LYPD2: variants seen among roughly 807,000 people sequenced by gnomAD.
LYPD2 encodes the protein LY6/PLAUR domain containing 2.
LYPD2 carries 5 observed loss-of-function variants against 7.1 expected under a neutral mutation model. The ratio of observed to expected loss-of-function variants is 0.70; its 90% confidence interval spans 0.37 to 1.48. LYPD2 has a LOEUF of 1.48. Among genes scored for constraint, LYPD2 ranks in the 40% most tolerant of loss-of-function variants. The probability of loss-of-function intolerance (pLI) is 0.03; values close to 1 mark genes in which losing one functional copy is unlikely to be tolerated. For missense variants in LYPD2, 177 were observed against 171.0 expected (o/e 1.04, Z -0.20); for synonymous variants, 78 against 82.0 (o/e 0.95, Z 0.26).
Position 142,750,490 on chromosome 8 carries a change from G to T in LYPD2, c.179-8C>A. The T allele has an allele frequency of 1.3e-6, 2 of 1,573,010 alleles. No homozygotes were observed. Among genetic ancestry groups the T allele is most frequent in the Non-Finnish European group, 1.7e-6 (2 of 1,158,998 alleles). On this transcript the variant is annotated splice_region_variant and splice_polypyrimidine_tract_variant and intron_variant, in intron 2 of 2. Transcript: ENST00000359228. Reference sequence around the variant, plus strand: ...CCCCCTGGAAGGGGTACACTGTGGGGTGTGGGAAGAGTCAGCCGTCAGGGC... The same window carrying T: ...CCCCCTGGAAGGGGTACACTGTGGGTTGTGGGAAGAGTCAGCCGTCAGGGC...
chr8:142,752,511 C>A lies in LYPD2; in HGVS notation c.-60G>T. On this transcript the variant is annotated 5_prime_UTR_variant, in exon 1 of 3. Transcript: ENST00000359228. The stretch of plus-strand genomic sequence containing the variant: ...GCTTGCCTGGCGGGGACAGCAGACA[C>A]CAAGTGAGGTGGCGACAGACTGGTC... The A allele has an allele frequency of 6.3e-7, 1 of 1,592,936 alleles. No individual in the cohort carries two copies. Among genetic ancestry groups the A allele is most frequent in the Non-Finnish European group, 8.6e-7 (1 of 1,164,168 alleles).
At chr8:142,751,696 GA>G (rs1814717970) in intron 1 of LYPD2, among the ~76,000 whole-genome samples, 1 of 152,060 alleles carries the variant, frequency 6.6e-6, no homozygotes, top group Non-Finnish European at 1.5e-5. Context: ...CAGGGACGGG[GA>G]CCGGAGAGGC....
chr8:142,752,267 C>G (rs587633798), intron 1 of LYPD2, 127 bp downstream of exon 1: 7 of 1,039,322 alleles, frequency 6.7e-6, no homozygotes, highest in Non-Finnish European at 9.9e-6. Context: ...GCCACACCCC[C>G]GGCCCCACAG....
rs765580069 is a variant in LYPD2, at chr8:142,750,405, C to T, written c.256G>A (p.Gly86Ser). 1.5e-5 allele frequency: 24 copies of T among 1,583,148 alleles called. No homozygotes were observed. The highest frequency in any genetic ancestry group is 1.3e-4 in the South Asian group (11 of 86,356). Reference sequence around the variant, plus strand: ...CAGCAGGACACGGGCAGGGTCTGGCCGATGCCATCCACATCCGAGGGCTTA... The same window carrying T: ...CAGCAGGACACGGGCAGGGTCTGGCTGATGCCATCCACATCCGAGGGCTTA... ...KCKPSDVDGI[G>S]QTLPVSCCNT... is the part of the protein sequence containing the mutation. The change falls in exon 3 of 3, where the codon GGC becomes AGC. Residue 86 changes from glycine (G) to serine (S), a missense_variant. By Grantham distance (56) the Gly-to-Ser change is moderately conservative. Transcript: ENST00000359228.
Position 142,752,412 on chromosome 8 carries a change from C to T in LYPD2, c.40G>A (p.Ala14Thr), listed in dbSNP as rs747694461. 12 of 1,613,414 alleles carry T rather than the reference C, an allele frequency of 7.4e-6. No homozygotes were observed. In the African/African-American group the frequency reaches 1.3e-4, roughly 18 times the overall value. ...TRLALLALVLAACGELAPALR... is the reference protein window; with the variant it reads ...TRLALLALVLTACGELAPALR... ...ACCTCACCCAGCTCTCCGCAGGCAG[C>T]CAGCACCAGCGCCAGGAGCGCCAGC... The change falls in exon 1 of 3, where the codon GCT becomes ACT. Residue 14 changes from alanine (A) to threonine (T), a missense_variant. Physicochemically the swap from Ala to Thr is moderately conservative, Grantham distance 58. Coordinates refer to ENST00000359228, the MANE Select transcript of LYPD2 (RefSeq NM_205545.3).
At chr8:142,750,532 G>A (rs1323572458) in intron 2 of LYPD2, 50 bp from the exon 3 acceptor site, 2 of 1,531,216 alleles carry the variant, frequency 1.3e-6, no homozygotes, top group Non-Finnish European at 1.8e-6. Context: ...CTGCCTCCAA[G>A]CCCTGGTCCC....
chr8:142,750,357 C>A lies in LYPD2; in HGVS notation c.304G>T (p.Asp102Tyr). 6.4e-7 allele frequency: 1 copy of A among 1,562,422 alleles called. No individual in the cohort carries two copies. Among genetic ancestry groups the A allele is most frequent in the East Asian group, 2.4e-5 (1 of 41,778 alleles). Residue 102 changes from aspartate (D) to tyrosine (Y), a missense_variant, in exon 3 of 3, where the codon GAC becomes TAC. Asp to Tyr is a radical substitution (Grantham distance 160, BLOSUM62 -3). Transcript: ENST00000359228. ...AGGCTGTTCAGAGCGGGCGCCCCGT[C>A]TACATTGCACAGCTCAGTATTGCAG... ...SCCNTELCNV[D>Y]GAPALNSLHC...
chr8:142,751,621 G>T (rs935973178), intron 1 of LYPD2, among the ~76,000 whole-genome samples: 15 of 152,224 alleles, frequency 9.9e-5, no homozygotes, highest in African/African-American at 3.6e-4. Flanking sequence ...AATGCAGGGT[G>T]TGCCAGGCTG....
chr8:142,750,868 G>A (rs1814694131), intron 2 of LYPD2, among the ~76,000 whole-genome samples, 183 bp downstream of exon 2: 1 of 152,264 alleles, frequency 6.6e-6, no homozygotes, highest in Non-Finnish European at 1.5e-5. Flanking sequence ...GATGGGTGAG[G>A]TGGTGGCTGT....
chr8:142,750,234 A>C lies in LYPD2; in HGVS notation c.*49T>G. The stretch of plus-strand genomic sequence containing the variant: ...GTCCTGGTGCAGGGGGCACTTCTTC[A>C]AGGCATTCGGGGCTGGGCCGCATAG... On this transcript the variant is annotated 3_prime_UTR_variant, in exon 3 of 3. Transcript: ENST00000359228. The C allele has an allele frequency of 6.6e-7, 1 of 1,508,996 alleles. No homozygotes were observed. Among genetic ancestry groups the C allele is most frequent in the East Asian group, 2.5e-5 (1 of 40,580 alleles). 93.5% of individuals were successfully genotyped at this position (1,508,996 alleles called of 1,614,324 possible). A position where few individuals can be genotyped will look rare whatever the true frequency, so the allele number is the denominator to read the frequency against.
At chr8:142,750,945 C>T in intron 2 of LYPD2, 106 bp downstream of exon 2, 1 of 1,559,240 alleles carries the variant, frequency 6.4e-7, no homozygotes, top group Non-Finnish European at 8.7e-7. Flanking sequence ...CCCAGCCCTG[C>T]CCGCCTTCCG....
In LYPD2 at chr8:142,750,174, C is replaced by G. The variant is rs896239229; in HGVS notation, c.*109G>C. On this transcript the variant is annotated 3_prime_UTR_variant, in exon 3 of 3. Coordinates refer to ENST00000359228, the MANE Select transcript of LYPD2 (RefSeq NM_205545.3). Reference sequence around the variant, plus strand: ...GACATCGACGAGGTCAGAGATGCAGCAGGGCAGGTCTGTGCCCAGAAAGGA... The same window carrying G: ...GACATCGACGAGGTCAGAGATGCAGGAGGGCAGGTCTGTGCCCAGAAAGGA... 7 of 904,908 alleles carry G rather than the reference C, an allele frequency of 7.7e-6. No homozygotes were observed. In the African/African-American group the frequency reaches 9.9e-5, roughly 13 times the overall value. The allele number at this position is 904,908 out of a possible 1,614,324, so 56.1% of individuals were successfully genotyped here. A position where few individuals can be genotyped will look rare whatever the true frequency, so the allele number is the denominator to read the frequency against.
At chr8:142,750,832 A>G (rs1358701161) in intron 2 of LYPD2, among the ~76,000 whole-genome samples, 1 of 152,238 alleles carries the variant, frequency 6.6e-6, no homozygotes, top group Non-Finnish European at 1.5e-5. Flanking sequence ...AGGGAGGCCT[A>G]GCTCGGGCAG....
chr8:142,751,146 C>T lies in LYPD2; in HGVS notation c.83G>A (p.Cys28Tyr), dbSNP rs139911017. Residue 28 changes from cysteine to tyrosine, a missense_variant, in exon 2 of 3, where the codon TGT becomes TAT. Transcript: ENST00000359228. ...GTCCGACACTCCTGTGGGCTCCGGA[C>T]AGACGTAGCAGCGCAGGGCCGGCGC... ...ELAPALRCYV[C>Y]PEPTGVSDCV... The T allele has an allele frequency of 7.9e-5, 128 of 1,614,022 alleles. No individual in the cohort carries two copies. Among genetic ancestry groups the T allele is most frequent in the South Asian group, 2.0e-4 (18 of 91,086 alleles).
chr8:142,750,649 C>T (rs1458826534), intron 2 of LYPD2, among the ~76,000 whole-genome samples, 167 bp from the exon 3 acceptor site: 3 of 152,236 alleles, frequency 2.0e-5, no homozygotes, highest in Admixed American at 2.0e-4. Context: ...CGACGTTGTC[C>T]GGGTGTCTAC....
intron 2 of LYPD2, 76 bp downstream of exon 2, chr8:142,750,975 T>C (rs1431012584): frequency 1.9e-6 from 3 of 1,594,892 alleles, no homozygotes; most frequent in Non-Finnish European, 2.6e-6. Flanking sequence ...CCCTATCTCC[T>C]GGGAGTAGAG....
chr8:142,750,285 A>G lies in LYPD2; in HGVS notation c.376T>C (p.Ter126GlnextTer17), dbSNP rs1019665755. 1 of 1,551,214 alleles carries G rather than the reference A, an allele frequency of 6.4e-7. No homozygotes were observed. The highest frequency in any genetic ancestry group is 1.7e-4 in the Middle Eastern group (1 of 5,966). The change falls in exon 3 of 3, where the codon TAG becomes CAG. Residue 126 changes from the stop codon to glutamine (Q), a stop_lost. Coordinates refer to ENST00000359228, the MANE Select transcript of LYPD2 (RefSeq NM_205545.3). Reference sequence around the variant, plus strand: ...GGCCATGGGGGTGGGCGGGGACTCTACAGTCGGAGGCTCAAGAGTGGGAGG... The same window carrying G: ...GGCCATGGGGGTGGGCGGGGACTCTGCAGTCGGAGGCTCAAGAGTGGGAGG... ...TLLPLLSLRL* is the reference protein window; with the variant it reads ...TLLPLLSLRLQ
chr8:142,750,596 G>C lies in LYPD2; in HGVS notation c.179-114C>G, dbSNP rs117396768. The C allele has an allele frequency of 9.3e-3, 9,431 of 1,016,812 alleles. 74 individuals are homozygous for C. Among genetic ancestry groups the C allele is most frequent in the Non-Finnish European group, 0.011 (7,677 of 683,128 alleles). 63.0% of individuals were successfully genotyped at this position (1,016,812 alleles called of 1,614,324 possible). A position where few individuals can be genotyped will look rare whatever the true frequency, so the allele number is the denominator to read the frequency against. On this transcript the variant is annotated intron_variant, in intron 2 of 2. Transcript: ENST00000359228. ...TCTGGGGTCACCCACCCGGGTCTCC[G>C]TCCCTCCTGGCCCAGTGCCCTCCTC...
chr8:142,751,011 A>G (rs1431375376), intron 2 of LYPD2, 40 bp downstream of exon 2: 2 of 1,613,102 alleles, frequency 1.2e-6, no homozygotes, highest in Non-Finnish European at 1.7e-6. Context: ...GGTGGCTCTG[A>G]CCGGGAACCC....
Sources: gnomAD v4.1 joint callset for allele counts (sites outside exome capture counted in the v4.1 genomes callset) on GRCh38, gnomAD v4.1.1 for gene constraint, MANE v1.5 for transcripts, NCBI Gene and HGNC (gene_info 2026-07-23, HGNC 2026-07-21) for gene names.